CHST11: variants seen among roughly 807,000 people sequenced by gnomAD.
CHST11 encodes C4S-1.
In CHST11, 9 loss-of-function variants were observed where a neutral mutation model predicts 30.4. The observed-to-expected ratio is 0.30, with a 90% confidence interval of 0.18 to 0.52. The LOEUF (loss-of-function observed/expected upper bound fraction) is 0.52, where lower values mean the gene tolerates loss of function less well. Among genes scored for constraint, CHST11 ranks in the 20% least tolerant of loss-of-function variants. CHST11 has a pLI of 0.97. For missense variants in CHST11, 348 were observed against 460.6 expected, an observed-to-expected ratio of 0.76 and a Z score of 2.24; for synonymous variants, 152 against 187.8, an observed-to-expected ratio of 0.81 and a Z score of 1.56.
At chr12:104,611,403 G>A (rs766456647) in intron 2 of CHST11, among the ~76,000 whole-genome samples, 15 of 152,150 alleles carry the variant, frequency 9.9e-5, no homozygotes, top group South Asian at 2.1e-4. Flanking sequence ...AAAATGCCCC[G>A]TTGTCCCTGC....
chr12:104,701,504 C>T (rs763731148), intron 2 of CHST11, among the ~76,000 whole-genome samples: 1 of 152,074 alleles, frequency 6.6e-6, no homozygotes, highest in Non-Finnish European at 1.5e-5. Context: ...ACGAGAGGCC[C>T]AGATCTGAGA....
At chr12:104,750,454 T>TTTTTTTTTTTTTTTG (rs1566064735) in intron 2 of CHST11, among the ~76,000 whole-genome samples, 1 of 122,162 alleles carries the variant, frequency 8.2e-6, no homozygotes, top group Admixed American at 8.4e-5. Context: ...TTTTTTTTTT[T>TTTTTTTTTTTTTTTG]TTGTTGAGAC....
chr12:104,570,034 A>G (rs1447573830), intron 1 of CHST11, among the ~76,000 whole-genome samples: 2 of 152,078 alleles, frequency 1.3e-5, no homozygotes. Context: ...ACAACCTACA[A>G]AACCAACATA....
rs1380925245 is a variant in CHST11 at position 104,757,497 on chromosome 12, G to A, written c.753G>A (p.Arg251=). 1.9e-6 allele frequency: 3 copies of A among 1,613,966 alleles called. No individual in the cohort carries two copies. The highest frequency in any genetic ancestry group is 1.7e-5 in the Admixed American group (1 of 59,988). ...VAYLIDPHTQ[R]EEPFNEHWQT... is the part of the protein sequence containing the mutation. ...ATCTCATCGACCCACACACCCAGCG[G>A]GAGGAGCCTTTCAACGAACACTGGC... is the stretch of plus-strand genomic sequence containing the variant. Residue 251 remains arginine, a synonymous_variant, in exon 3 of 3, where the codon CGG becomes CGA. Coordinates refer to ENST00000303694, the MANE Select transcript of CHST11 (RefSeq NM_018413.6). The surrounding 1 kb of genome is among the most constrained non-coding windows in gnomAD (Gnocchi z 6.5).
intron 1 of CHST11, among the ~76,000 whole-genome samples, chr12:104,472,164 A>C (rs560406879): frequency 6.8e-6 from 1 of 146,092 alleles, no homozygotes; most frequent in African/African-American, 2.5e-5. Flanking sequence ...TTGTAGAGAC[A>C]GGGTCTAGTT....
chr12:104,488,372 C>T (rs554045051), intron 1 of CHST11, among the ~76,000 whole-genome samples: 12 of 150,946 alleles, frequency 7.9e-5, no homozygotes, highest in East Asian at 1.9e-4. Flanking sequence ...TATGTGTATG[C>T]GTGTGTATGT....
At chr12:104,645,548 C>T (rs975642339) in intron 2 of CHST11, among the ~76,000 whole-genome samples, 1 of 152,140 alleles carries the variant, frequency 6.6e-6, no homozygotes, top group Admixed American at 6.5e-5. Context: ...TTTATTTTGG[C>T]CCCTTCTGAG....
At chr12:104,705,289 C>G (rs1245587784) in intron 2 of CHST11, among the ~76,000 whole-genome samples, 1 of 152,114 alleles carries the variant, frequency 6.6e-6, no homozygotes, top group Non-Finnish European at 1.5e-5. Context: ...AAATTCATCG[C>G]TGATTCCCTG....
chr12:104,587,843 T>C (rs1201303144), intron 1 of CHST11, among the ~76,000 whole-genome samples: 2 of 69,010 alleles, frequency 2.9e-5, no homozygotes, highest in Non-Finnish European at 7.3e-5. Context: ...TTTTTGTTTT[T>C]TGTTTTTTTT....
intron 2 of CHST11, among the ~76,000 whole-genome samples, chr12:104,752,156 C>A (rs778391613): frequency 5.9e-5 from 9 of 152,156 alleles, no homozygotes; most frequent in Admixed American, 1.3e-4. Flanking sequence ...AGGAATGGAT[C>A]CTTCCTTGCC....
rs906443387 is a variant in CHST11 at position 104,458,823 on chromosome 12, T to G, written c.118+1294T>G. Reference sequence around the variant, plus strand: ...GTGTTTTTCATTTTTGCCTCCCGCCTTCTCCTTTCACTGTGTATCTAACAC... The same window carrying G: ...GTGTTTTTCATTTTTGCCTCCCGCCGTCTCCTTTCACTGTGTATCTAACAC... On this transcript the variant is annotated intron_variant, in intron 1 of 2. Transcript: ENST00000303694. The surrounding 1 kb of genome is among the most constrained non-coding windows in gnomAD (Gnocchi z 5.7). 6.6e-6 allele frequency among the ~76,000 whole-genome samples: 1 copy of G among 152,252 alleles called. No individual in the cohort carries two copies. The highest frequency in any genetic ancestry group is 1.5e-5 in the Non-Finnish European group (1 of 68,038).
At chr12:104,577,713 T>G (rs1592773201) in intron 1 of CHST11, among the ~76,000 whole-genome samples, 1 of 152,158 alleles carries the variant, frequency 6.6e-6, no homozygotes, top group East Asian at 1.9e-4. Context: ...AAAATCCAAA[T>G]TTTCCTCCTA....
At chr12:104,520,605 G>A (rs553438046) in intron 1 of CHST11, among the ~76,000 whole-genome samples, 13 of 152,286 alleles carry the variant, frequency 8.5e-5, no homozygotes, top group South Asian at 8.3e-4. Context: ...TTAGGATGGC[G>A]TAATTTTGTT....
intron 2 of CHST11, among the ~76,000 whole-genome samples, chr12:104,732,961 G>A (rs1229555399): frequency 6.6e-6 from 1 of 152,254 alleles, no homozygotes; most frequent in East Asian, 1.9e-4. Context: ...TCAGCCCTGT[G>A]CTTTGAACTT....
At chr12:104,618,305 G>A (rs111262093) in intron 2 of CHST11, among the ~76,000 whole-genome samples, 8,570 of 149,974 alleles carry the variant, frequency 0.057, 282 homozygotes, top group East Asian at 0.11. Context: ...CTCACTGCAG[G>A]TTTGGCTTCC....
intron 2 of CHST11, among the ~76,000 whole-genome samples, chr12:104,607,713 C>G (rs962482857): frequency 6.6e-6 from 1 of 151,998 alleles, no homozygotes; most frequent in Non-Finnish European, 1.5e-5. Flanking sequence ...GAAGGTGATG[C>G]CAGGGGCGGA....
intron 2 of CHST11, among the ~76,000 whole-genome samples, chr12:104,630,994 G>A (rs1338205854): frequency 3.3e-5 from 5 of 152,174 alleles, no homozygotes; most frequent in Admixed American, 3.3e-4. Flanking sequence ...CGTGAACAGG[G>A]TTATTAGGTC....
chr12:104,508,380 TGTC>T (rs1238488984), intron 1 of CHST11, among the ~76,000 whole-genome samples: 2 of 152,228 alleles, frequency 1.3e-5, no homozygotes, highest in African/African-American at 2.4e-5. Flanking sequence ...CTGCCAGGGT[TGTC>T]GTGTGGATTA....
intron 1 of CHST11, among the ~76,000 whole-genome samples, chr12:104,504,700 G>A (rs982920335): frequency 1.3e-5 from 2 of 152,128 alleles, no homozygotes; most frequent in African/African-American, 4.8e-5. Flanking sequence ...GGTGGGTGGT[G>A]TGCGCCTGTA....
Sources: allele counts gnomAD v4.1 joint callset (sites outside exome capture counted in the v4.1 genomes callset), GRCh38; gene constraint gnomAD v4.1.1; non-coding constraint Gnocchi (gnomAD v3.1); transcripts MANE v1.5; gene names NCBI Gene and HGNC (gene_info 2026-07-23, HGNC 2026-07-21).